The following MCCC1 variants were observed in gnomAD, a reference collection of about 807,000 sequenced individuals.
MCCC1 encodes methylcrotonoyl-CoA carboxylase subunit alpha, mitochondrial.
In MCCC1, 64 loss-of-function variants were observed where a neutral mutation model predicts 83.8. The ratio of observed to expected loss-of-function variants is 0.76; its 90% CI spans 0.62 to 0.94. The LOEUF is 0.94. MCCC1 is among the 40% of genes least tolerant of loss of function. The pLI is 0.00. For synonymous variants in MCCC1, 322 were observed against 315.4 expected, an observed-to-expected ratio of 1.02 and a Z score of -0.22; for missense variants, 807 against 904.7, an observed-to-expected ratio of 0.89 and a Z score of 1.39.
At chr3:183,100,392 G>A (rs890575349), upstream of MCCC1, among the ~76,000 whole-genome samples, 5 of 152,272 alleles carry the variant, frequency 3.3e-5, no homozygotes, top group Admixed American at 3.3e-4. Context: ...GTTTATCAAA[G>A]AACTATCCTT....
intron 10 of MCCC1, among the ~76,000 whole-genome samples, chr3:183,042,886 G>C (rs1393579617): frequency 2.6e-5 from 4 of 152,072 alleles, no homozygotes; most frequent in Admixed American, 6.5e-5. Context: ...CCCATTACTG[G>C]GTATATACCC....
At chr3:183,053,371 C>T (rs1244486181) in intron 8 of MCCC1, among the ~76,000 whole-genome samples, 2 of 152,042 alleles carry the variant, frequency 1.3e-5, no homozygotes, top group African/African-American at 4.8e-5. Context: ...ACCTATAGTT[C>T]CAGCCACTCA....
intron 9 of MCCC1, among the ~76,000 whole-genome samples, chr3:183,046,732 A>G (rs1434292336): frequency 6.6e-6 from 1 of 152,200 alleles, no homozygotes; most frequent in African/African-American, 2.4e-5. Flanking sequence ...CTGATCCGGC[A>G]TCTAAGGAGC....
Position 183,092,480 on chromosome 3 carries a change from C to T in MCCC1, c.202G>A (p.Ala68Thr), listed in dbSNP as rs1718434637. The change falls in exon 3 of 19, where the codon GCC becomes ACC. Residue 68 changes from alanine to threonine, a missense_variant. Transcript: ENST00000265594. ...ACAGTCTGTACACCCAGTTTTTTGG[C>T]TGTGCGCATCACCCTGCAGGCAATT... The part of the protein sequence containing the change: ...GEIACRVMRT[A>T]KKLGVQTVAV... 5.0e-6 allele frequency: 8 copies of T among 1,614,088 alleles called. No individual in the cohort carries two copies. The highest frequency in any genetic ancestry group is 1.3e-5 in the African/African-American group (1 of 74,940).
At chr3:183,113,671 C>G (rs1355593155) in intron 1 of MCCC1, among the ~76,000 whole-genome samples, 1 of 151,432 alleles carries the variant, frequency 6.6e-6, no homozygotes, top group Non-Finnish European at 1.5e-5. Context: ...CCGCTGTGGT[C>G]CAACCTGGGT....
intron 16 of MCCC1, among the ~76,000 whole-genome samples, chr3:183,022,211 T>G (rs191325929): frequency 6.6e-6 from 1 of 152,204 alleles, no homozygotes; most frequent in Non-Finnish European, 1.5e-5. Flanking sequence ...TCAATGAGCA[T>G]CTGTGTGAAC....
intron 10 of MCCC1, among the ~76,000 whole-genome samples, chr3:183,042,279 T>C (rs1459200515): frequency 2.0e-5 from 3 of 152,228 alleles, no homozygotes; most frequent in Admixed American, 1.3e-4. Context: ...TTTTGTTATG[T>C]TGATATGTAC....
At chr3:183,081,278 TG>T (rs1432854407) in intron 4 of MCCC1, among the ~76,000 whole-genome samples, 11 of 152,232 alleles carry the variant, frequency 7.2e-5, no homozygotes, top group African/African-American at 2.7e-4. Context: ...CACTTCACCC[TG>T]GTGGGTCATA....
rs1192564292 is a variant in MCCC1, at chr3:183,019,483, GAC to G, written c.1977+645_1977+646del. On this transcript the variant is annotated intron_variant, in intron 17 of 18. Coordinates refer to ENST00000265594, the MANE Select transcript of MCCC1 (RefSeq NM_020166.5). Reference sequence around the variant, plus strand: ...TCCCTTGTCCCTTCCACCACGTGAGGACACAGAGAAAAAATGGCTGTTTATGA... The same window carrying G: ...TCCCTTGTCCCTTCCACCACGTGAGGACAGAGAAAAAATGGCTGTTTATGA... Among the ~76,000 whole-genome samples, 15 of 152,226 alleles carry G rather than the reference GAC, an allele frequency of 9.9e-5. No individual in the cohort carries two copies. The South Asian group carries it at 2.9e-3, about 29-fold the overall frequency.
chr3:183,051,298 T>A (rs549490006), intron 9 of MCCC1, among the ~76,000 whole-genome samples: 1 of 152,184 alleles, frequency 6.6e-6, no homozygotes, highest in Admixed American at 6.5e-5. Flanking sequence ...GCTAAATAGA[T>A]AATAAACTCT....
intron 7 of MCCC1, among the ~76,000 whole-genome samples, chr3:183,065,611 A>G (rs1716199581): frequency 7.2e-6 from 1 of 139,462 alleles, no homozygotes; most frequent in Non-Finnish European, 1.5e-5. Flanking sequence ...GTAAAAGATT[A>G]TAAGAAGGCA....
rs1250801787 is a variant in MCCC1, at chr3:183,017,108, CAAG to C, written c.2049+155_2049+157del. On this transcript the variant is annotated intron_variant, in intron 18 of 18. Coordinates refer to ENST00000265594, the MANE Select transcript of MCCC1 (RefSeq NM_020166.5). The stretch of plus-strand genomic sequence containing the variant: ...AAAGTTAAAGTAAAACTCTTTTCTA[CAAG>C]AAGGATAGTTTGGTTTTGTTTCCTA... 16 of 685,664 alleles carry C rather than the reference CAAG, an allele frequency of 2.3e-5. No individual in the cohort carries two copies. The Admixed American group carries it at 3.3e-4, about 14-fold the overall frequency. 42.5% of individuals were successfully genotyped at this position (685,664 alleles called of 1,614,324 possible).
At chr3:183,082,866 T>TC (rs1717614826) in intron 4 of MCCC1, among the ~76,000 whole-genome samples, 1 of 151,976 alleles carries the variant, frequency 6.6e-6, no homozygotes, top group Non-Finnish European at 1.5e-5. Flanking sequence ...GTGCCTACAG[T>TC]CCCATCACAG....
upstream of MCCC1, among the ~76,000 whole-genome samples, chr3:183,099,899 A>T (rs1466844628): frequency 1.3e-5 from 2 of 152,158 alleles, no homozygotes; most frequent in African/African-American, 4.8e-5. Context: ...TAAATAAGCT[A>T]AAGTGAAAAT....
At chr3:183,096,074 G>A (rs766631055) in intron 1 of MCCC1, among the ~76,000 whole-genome samples, 4 of 152,190 alleles carry the variant, frequency 2.6e-5, no homozygotes, top group Non-Finnish European at 5.9e-5. Flanking sequence ...AGTGGCTCAC[G>A]CCTGTAATCC....
rs775804711 is a variant in MCCC1, at chr3:183,086,660, C to T, written c.369+33G>A. On this transcript the variant is annotated intron_variant, in intron 4 of 18. Coordinates refer to ENST00000265594, the MANE Select transcript of MCCC1 (RefSeq NM_020166.5). Reference sequence around the variant, plus strand: ...TGCATCAGTTGCACAAAACGTATTCCTTTTGCACTGCAAATCTCTTCACAA... The same window carrying T: ...TGCATCAGTTGCACAAAACGTATTCTTTTTGCACTGCAAATCTCTTCACAA... 8 of 1,593,364 alleles carry T rather than the reference C, an allele frequency of 5.0e-6. No homozygotes were observed. In the African/African-American group the frequency reaches 6.7e-5, roughly 13 times the overall value.
chr3:183,103,073 C>T (rs1301934559), upstream of MCCC1, among the ~76,000 whole-genome samples: 3 of 151,704 alleles, frequency 2.0e-5, no homozygotes, highest in Non-Finnish European at 2.9e-5. Context: ...CTTAAGGTGG[C>T]GCGTCTGGAG....
chr3:183,070,996 C>T lies in MCCC1; in HGVS notation c.761+3G>A, dbSNP rs1157892781. The T allele has an allele frequency of 6.2e-7, 1 of 1,613,304 alleles. No individual in the cohort carries two copies. Among genetic ancestry groups the T allele is most frequent in the Non-Finnish European group, 8.5e-7 (1 of 1,179,652 alleles). On this transcript the variant is annotated splice_donor_region_variant and intron_variant, in intron 7 of 18. Transcript: ENST00000265594. ...CTGAGTCAGAAAAATAAGGCCAACCCACCTCGGTGTGTCTACAAACTTCTC... is the reference window on the plus strand; with the variant it reads ...CTGAGTCAGAAAAATAAGGCCAACCTACCTCGGTGTGTCTACAAACTTCTC...
chr3:183,032,229 A>G (rs1017721228), intron 14 of MCCC1, among the ~76,000 whole-genome samples: 4 of 152,216 alleles, frequency 2.6e-5, no homozygotes, highest in African/African-American at 9.6e-5. Flanking sequence ...GCTTTAGTGA[A>G]GAGCCATGCC....
Sources: allele counts gnomAD v4.1 joint callset (sites outside exome capture counted in the v4.1 genomes callset), GRCh38; gene constraint gnomAD v4.1.1; transcripts MANE v1.5; gene names NCBI Gene and HGNC (gene_info 2026-07-23, HGNC 2026-07-21).